The following MACROD2 variants were observed in gnomAD, a reference collection of about 807,000 sequenced individuals.
The protein encoded by MACROD2 is ADP-ribose glycohydrolase MACROD2.
Under a neutral mutation model 70.4 loss-of-function variants are expected in MACROD2, and 36 were observed. That is an observed-to-expected ratio of 0.51 (90% confidence interval 0.39 to 0.68). The LOEUF is 0.68. MACROD2 is among the 30% of genes least tolerant of loss of function. The pLI is 0.00. For missense variants in MACROD2, 496 were observed against 538.4 expected, an observed-to-expected ratio of 0.92 and a Z score of 0.78; for synonymous variants, 172 against 178.8, an observed-to-expected ratio of 0.96 and a Z score of 0.30.
chr20:15,050,016 A>C (rs759718940), intron 5 of MACROD2, among the ~76,000 whole-genome samples: 1 of 152,040 alleles, frequency 6.6e-6, no homozygotes, highest in African/African-American at 2.4e-5. Context: ...CCTGTGTTTC[A>C]TACCATAGAA....
At chr20:14,327,170 C>G in intron 3 of MACROD2, 1 of 1,613,658 alleles carries the variant, frequency 6.2e-7, no homozygotes, top group Non-Finnish European at 8.5e-7. Context: ...ATGTTATTTT[C>G]TTGCAAATGT....
chr20:14,530,994 T>G (rs868263669), intron 4 of MACROD2, among the ~76,000 whole-genome samples: 10 of 152,350 alleles, frequency 6.6e-5, no homozygotes, highest in Middle Eastern at 3.4e-3. Flanking sequence ...ACTTATTCTT[T>G]TGTTATTTTC....
intron 5 of MACROD2, among the ~76,000 whole-genome samples, chr20:15,169,033 G>C (rs2076405466): frequency 2.0e-5 from 3 of 152,054 alleles, no homozygotes; most frequent in African/African-American, 7.2e-5. Flanking sequence ...ATTATTTATG[G>C]GTATGAGTTC....
In MACROD2 at chr20:14,465,906, G is replaced by A. The variant is rs143930154; in HGVS notation, c.272-27573G>A. Among the ~76,000 whole-genome samples, 265 of 152,296 alleles carry A rather than the reference G, an allele frequency of 1.7e-3. 2 individuals carry two copies. Among genetic ancestry groups the A allele is most frequent in the African/African-American group, 6.1e-3 (253 of 41,520 alleles). ...TAGAGTTTCTGCTGAGAGATCAGCT[G>A]TTAGTCTGATGGGCTTCCCTTTGTG... On this transcript the variant is annotated intron_variant, in intron 3 of 17. Transcript: ENST00000684519.
At chr20:15,672,862 G>A (rs1257298839) in intron 8 of MACROD2, among the ~76,000 whole-genome samples, 1 of 152,154 alleles carries the variant, frequency 6.6e-6, no homozygotes, top group Non-Finnish European at 1.5e-5. Flanking sequence ...GGGCCCGGTG[G>A]TAGGTAATTG....
chr20:15,190,477 G>A (rs1382588885), intron 5 of MACROD2, among the ~76,000 whole-genome samples: 5 of 152,114 alleles, frequency 3.3e-5, no homozygotes, highest in Non-Finnish European at 5.9e-5. Context: ...TCGTGCATTC[G>A]TTTAGAAAAT....
At chr20:14,948,045 C>G (rs530512497) in intron 5 of MACROD2, among the ~76,000 whole-genome samples, 4 of 152,320 alleles carry the variant, frequency 2.6e-5, no homozygotes, top group African/African-American at 9.6e-5. Flanking sequence ...TATTTCCCCT[C>G]CAAGGCATCA....
At chr20:15,475,653 C>T (rs1188235717) in intron 7 of MACROD2, among the ~76,000 whole-genome samples, 1 of 152,234 alleles carries the variant, frequency 6.6e-6, no homozygotes, top group East Asian at 1.9e-4. Context: ...TGGCCGCCTG[C>T]CACACACGTG....
intron 5 of MACROD2, among the ~76,000 whole-genome samples, chr20:14,864,306 A>G (rs934276842): frequency 2.0e-5 from 3 of 152,132 alleles, no homozygotes; most frequent in Non-Finnish European, 2.9e-5. Context: ...GTCTTTTACC[A>G]AATAATATCT....
At chr20:15,584,989 G>T (rs6079894) in intron 8 of MACROD2, among the ~76,000 whole-genome samples, 46,714 of 152,004 alleles carry the variant, frequency 0.31, 7,607 homozygotes, top group Non-Finnish European at 0.35. Context: ...TTTCCAGGAT[G>T]GAGCTTGCTA....
intron 4 of MACROD2, among the ~76,000 whole-genome samples, chr20:14,550,627 T>C (rs2123259669): frequency 6.6e-6 from 1 of 152,306 alleles, no homozygotes; most frequent in Non-Finnish European, 1.5e-5. Context: ...CTAAATAGTT[T>C]TAGCTAAAAG....
chr20:14,420,308 C>G (rs1450249727), intron 3 of MACROD2, among the ~76,000 whole-genome samples: 2 of 152,018 alleles, frequency 1.3e-5, no homozygotes, highest in Non-Finnish European at 2.9e-5. Context: ...TTCATAGCAC[C>G]TGTACCATTT....
At chr20:14,442,313 A>C (rs910115619) in intron 3 of MACROD2, among the ~76,000 whole-genome samples, 2 of 152,076 alleles carry the variant, frequency 1.3e-5, no homozygotes, top group African/African-American at 4.8e-5. Flanking sequence ...AATACCTGGA[A>C]AAATTGGAAA....
At chr20:15,836,994 G>T (rs1197430848) in intron 8 of MACROD2, among the ~76,000 whole-genome samples, 2 of 152,158 alleles carry the variant, frequency 1.3e-5, no homozygotes, top group Non-Finnish European at 2.9e-5. Flanking sequence ...AAGGGACTTA[G>T]CTGGAGTTCA....
intron 5 of MACROD2, among the ~76,000 whole-genome samples, chr20:15,152,173 C>A (rs1469709340): frequency 3.9e-5 from 6 of 151,932 alleles, no homozygotes; most frequent in Non-Finnish European, 7.4e-5. Flanking sequence ...TATTTGGAAC[C>A]ACTGTCAAGT....
chr20:15,287,667 A>T (rs2077503988), intron 6 of MACROD2, among the ~76,000 whole-genome samples: 1 of 152,192 alleles, frequency 6.6e-6, no homozygotes, highest in Non-Finnish European at 1.5e-5. Flanking sequence ...CCTAGAGAAT[A>T]AAGGGGGCGT....
intron 3 of MACROD2, among the ~76,000 whole-genome samples, chr20:14,435,389 C>G (rs1211704303): frequency 6.6e-6 from 1 of 152,164 alleles, no homozygotes; most frequent in Non-Finnish European, 1.5e-5. Context: ...AACTGCCATT[C>G]AAGTTTCCAG....
intron 7 of MACROD2, among the ~76,000 whole-genome samples, chr20:15,487,292 T>C (rs1475154005): frequency 6.6e-6 from 1 of 152,236 alleles, no homozygotes; most frequent in African/African-American, 2.4e-5. Flanking sequence ...AAGAGTCTAA[T>C]GGTGTTACTG....
chr20:14,924,782 A>G (rs1223721054), intron 5 of MACROD2, among the ~76,000 whole-genome samples: 1 of 152,146 alleles, frequency 6.6e-6, no homozygotes, highest in Non-Finnish European at 1.5e-5. Flanking sequence ...AGAGACACAG[A>G]TGAAAGTGAA....
Sources: allele counts gnomAD v4.1 joint callset (sites outside exome capture counted in the v4.1 genomes callset), GRCh38; gene constraint gnomAD v4.1.1; transcripts MANE v1.5; gene names NCBI Gene and HGNC (gene_info 2026-07-23, HGNC 2026-07-21).